Variants in GPC6 observed in about 807,000 individuals in gnomAD.
GPC6 encodes glypican 6, also known as glypican-6.
GPC6 carries 14 observed loss-of-function variants against 55.2 expected under a neutral mutation model. The observed-to-expected ratio is 0.25, with a 90% CI of 0.17 to 0.40. GPC6 has a LOEUF of 0.40. Ranked by LOEUF, GPC6 falls within the 10% of genes least tolerant of loss-of-function variation. The pLI is 1.00. For synonymous variants in GPC6, 278 were observed against 259.6 expected, an observed-to-expected ratio of 1.07 and a Z score of -0.68; for missense variants, 641 against 708.5, an observed-to-expected ratio of 0.90 and a Z score of 1.08.
chr13:94,020,374 T>G (rs1278349984), intron 3 of GPC6, among the ~76,000 whole-genome samples: 2 of 152,214 alleles, frequency 1.3e-5, no homozygotes, highest in African/African-American at 4.8e-5. Flanking sequence ...CTTTTCAAAT[T>G]TAAGACTTGA....
intron 2 of GPC6, among the ~76,000 whole-genome samples, chr13:93,622,829 C>T (rs1328111318): frequency 6.6e-6 from 1 of 152,138 alleles, no homozygotes; most frequent in African/African-American, 2.4e-5. Context: ...AGTCACCTTA[C>T]TGTGAAATAG....
chr13:93,934,922 T>C (rs1473225877), intron 3 of GPC6, among the ~76,000 whole-genome samples: 3 of 152,156 alleles, frequency 2.0e-5, no homozygotes, highest in Admixed American at 1.3e-4. Context: ...TATGTGACCA[T>C]AGTGTCTGAC....
chr13:94,385,481 A>C (rs1880362015), intron 7 of GPC6, among the ~76,000 whole-genome samples: 1 of 152,228 alleles, frequency 6.6e-6, no homozygotes, highest in African/African-American at 2.4e-5. Flanking sequence ...TAATGCAATG[A>C]AATCACTTGT....
intron 8 of GPC6, 63 bp downstream of exon 8, chr13:94,398,704 C>T (rs1199055939): frequency 8.2e-6 from 11 of 1,348,032 alleles, no homozygotes; most frequent in Non-Finnish European, 1.1e-5. Context: ...GAAGATGATG[C>T]CCTGACTTTC....
intron 2 of GPC6, among the ~76,000 whole-genome samples, chr13:93,701,960 C>T (rs1882684371): frequency 6.6e-6 from 1 of 151,994 alleles, no homozygotes; most frequent in South Asian, 2.1e-4. Flanking sequence ...TCAACTTTCT[C>T]CAACCTGCTG....
At chr13:93,447,965 G>T (rs1474531330) in intron 1 of GPC6, among the ~76,000 whole-genome samples, 1 of 152,176 alleles carries the variant, frequency 6.6e-6, no homozygotes, top group Non-Finnish European at 1.5e-5. Context: ...TCATTGCTGA[G>T]TTAAACTAGA....
chr13:93,441,867 G>A (rs1877817355), intron 1 of GPC6, among the ~76,000 whole-genome samples: 1 of 152,232 alleles, frequency 6.6e-6, no homozygotes, highest in East Asian at 1.9e-4. Context: ...TGACAGGGAG[G>A]CAATTTTAAG....
At chr13:93,363,036 T>TTTGCATGGCTGCAAA (rs976024635) in intron 1 of GPC6, among the ~76,000 whole-genome samples, 4 of 152,064 alleles carry the variant, frequency 2.6e-5, no homozygotes, top group African/African-American at 9.7e-5. Flanking sequence ...CAAAATGTAT[T>TTTGCATGGCTGCAAA]AGTATCTCTA....
chr13:93,351,513 G>T (rs1880631312), intron 1 of GPC6, among the ~76,000 whole-genome samples: 1 of 152,028 alleles, frequency 6.6e-6, no homozygotes, highest in African/African-American at 2.4e-5. Flanking sequence ...ACGTTCTAGT[G>T]TTCAAAGCCA....
At chr13:93,316,124 T>C (rs1264533839) in intron 1 of GPC6, among the ~76,000 whole-genome samples, 1 of 152,080 alleles carries the variant, frequency 6.6e-6, no homozygotes, top group Non-Finnish European at 1.5e-5. Flanking sequence ...GTATATTGCC[T>C]TCTAAACTGT....
chr13:93,575,585 A>C (rs1876619788), intron 2 of GPC6, among the ~76,000 whole-genome samples: 1 of 152,108 alleles, frequency 6.6e-6, no homozygotes, highest in Non-Finnish European at 1.5e-5. Flanking sequence ...ATTGAAAGCC[A>C]ATTTAGTAGT....
chr13:93,745,957 T>A (rs1344440515), intron 2 of GPC6, among the ~76,000 whole-genome samples: 1 of 152,148 alleles, frequency 6.6e-6, no homozygotes, highest in East Asian at 1.9e-4. Context: ...AACAAATCAG[T>A]GATAATGAAA....
chr13:94,272,885 C>T (rs542473058), intron 4 of GPC6, among the ~76,000 whole-genome samples: 4 of 152,092 alleles, frequency 2.6e-5, no homozygotes, highest in Admixed American at 6.5e-5. Context: ...CTCTGCCACA[C>T]ATGCCCAGCC....
intron 1 of GPC6, among the ~76,000 whole-genome samples, chr13:93,241,588 T>A (rs1280947949): frequency 6.6e-6 from 1 of 152,212 alleles, no homozygotes; most frequent in East Asian, 1.9e-4. Flanking sequence ...TTTCTTTATG[T>A]TGGTTTTGAC....
At position 93,789,598 on chromosome 13, in the gene GPC6, CATATATATATAT is replaced by C. The variant is rs755185604; in HGVS notation, c.320-40520_320-40509del. ...TAAATACTATATATATATAATACTA[CATATATATATAT>C]ATATATATATATATATATATATATA... On this transcript the variant is annotated intron_variant, in intron 2 of 8. Coordinates refer to ENST00000377047, the MANE Select transcript of GPC6 (RefSeq NM_005708.5). Among the ~76,000 whole-genome samples the C allele has an allele frequency of 2.8e-3, 189 of 67,680 alleles. 2 individuals are homozygous for C. Among genetic ancestry groups the C allele is most frequent in the Middle Eastern group, 0.013 (1 of 80 alleles). The allele number at this position is 67,680 out of a possible 152,430, so 44.4% of individuals were successfully genotyped here. A position where few individuals can be genotyped will look rare whatever the true frequency, so the allele number is the denominator to read the frequency against.
chr13:93,374,492 A>G (rs1406402638), intron 1 of GPC6, among the ~76,000 whole-genome samples: 2 of 152,290 alleles, frequency 1.3e-5, no homozygotes, highest in South Asian at 2.1e-4. Context: ...CAAGATACCA[A>G]TTAATAAGTA....
chr13:94,155,709 T>C (rs1593996373), intron 4 of GPC6, among the ~76,000 whole-genome samples: 1 of 152,288 alleles, frequency 6.6e-6, no homozygotes, highest in South Asian at 2.1e-4. Flanking sequence ...ACCATGCCAC[T>C]TCCCTGCTTT....
intron 4 of GPC6, among the ~76,000 whole-genome samples, chr13:94,259,097 C>T (rs1373186648): frequency 2.0e-5 from 3 of 151,960 alleles, no homozygotes; most frequent in African/African-American, 4.8e-5. Flanking sequence ...ACACTGGAAA[C>T]GGTTCCCAGA....
intron 4 of GPC6, among the ~76,000 whole-genome samples, chr13:94,236,232 C>T (rs1890872639): frequency 1.3e-5 from 2 of 152,186 alleles, no homozygotes; most frequent in South Asian, 4.1e-4. Context: ...ATATTATTAG[C>T]CCCATTTATA....
Sources: allele counts gnomAD v4.1 joint callset (sites outside exome capture counted in the v4.1 genomes callset), GRCh38; gene constraint gnomAD v4.1.1; transcripts MANE v1.5; gene names NCBI Gene and HGNC (gene_info 2026-07-23, HGNC 2026-07-21).